The following SV2C variants were observed in gnomAD, a reference collection of about 807,000 sequenced individuals.
SV2C encodes solute carrier family 22 member B3.
SV2C carries 49 observed loss-of-function variants against 79.7 expected under a neutral mutation model. The observed-to-expected ratio is 0.61, with a 90% confidence interval of 0.49 to 0.78. The LOEUF (loss-of-function observed/expected upper bound fraction) is 0.78. Ranked by LOEUF, SV2C falls within the 30% of genes least tolerant of loss-of-function variation. The pLI is 0.00. For synonymous variants in SV2C, 334 were observed against 333.2 expected, an observed-to-expected ratio of 1.00 and a Z score of -0.03; for missense variants, 833 against 912.9, an observed-to-expected ratio of 0.91 and a Z score of 1.13.
chr5:76,104,847 C>G (rs554683751), intron 1 of SV2C, among the ~76,000 whole-genome samples: 5 of 152,114 alleles, frequency 3.3e-5, no homozygotes, highest in African/African-American at 1.2e-4. Flanking sequence ...TGTCTACATG[C>G]GGTTGTTGTG....
intron 4 of SV2C, among the ~76,000 whole-genome samples, chr5:76,234,339 C>T (rs7723272): frequency 0.12 from 17,899 of 152,156 alleles, 3,066 homozygotes; most frequent in African/African-American, 0.38. Flanking sequence ...AAAAAATTAT[C>T]ACTCAAATTC....
the SV2C span, among the ~76,000 whole-genome samples, chr5:76,005,451 G>A: frequency 6.6e-6 from 1 of 152,084 alleles, no homozygotes. Context: ...TACCCTTCAT[G>A]GTTTTTTAGT....
chr5:75,871,834 T>TACACAC, the SV2C span, among the ~76,000 whole-genome samples: 1,094 of 118,810 alleles, frequency 9.2e-3, 15 homozygotes, highest in African/African-American at 0.034. Flanking sequence ...TATATATATA[T>TACACAC]ACACACACAC....
At chr5:76,276,004 C>A (rs1030714162) in intron 4 of SV2C, among the ~76,000 whole-genome samples, 2 of 152,198 alleles carry the variant, frequency 1.3e-5, no homozygotes, top group Admixed American at 1.3e-4. Flanking sequence ...TTACTAACTG[C>A]AGGTAAGTAT....
At chr5:76,311,825 T>G (rs1271934077) in intron 12 of SV2C, among the ~76,000 whole-genome samples, 1 of 152,210 alleles carries the variant, frequency 6.6e-6, no homozygotes, top group Non-Finnish European at 1.5e-5. Flanking sequence ...CCCCAGTCCC[T>G]GCCACCAGCA....
rs147431456 is a variant in SV2C, at chr5:76,219,976, T to A, written c.913+10089T>A. On this transcript the variant is annotated intron_variant, in intron 4 of 12. Transcript: ENST00000502798. ...GGCACCTGATCTTAAAATGGGGAAATGGGCTTTAAAATATGGCGATTTCCT... is the reference window on the plus strand; with the variant it reads ...GGCACCTGATCTTAAAATGGGGAAAAGGGCTTTAAAATATGGCGATTTCCT... Among the ~76,000 whole-genome samples, 274 of 152,234 alleles carry A rather than the reference T, an allele frequency of 1.8e-3. 3 individuals carry two copies. Among genetic ancestry groups the A allele is most frequent in the African/African-American group, 6.2e-3 (257 of 41,538 alleles).
chr5:75,931,236 T>C, the SV2C span, among the ~76,000 whole-genome samples: 63 of 152,350 alleles, frequency 4.1e-4, 1 homozygote, highest in African/African-American at 1.2e-3. Context: ...TTCTGCAGCT[T>C]TTCCTCCACA....
chr5:75,877,954 A>C, the SV2C span, among the ~76,000 whole-genome samples: 1 of 116,844 alleles, frequency 8.6e-6, no homozygotes, highest in Non-Finnish European at 1.8e-5. Context: ...AAAAAAAAAA[A>C]CAAGTTTCTC....
At chr5:76,347,258 G>C (rs1251241902) in intron 12 of SV2C, among the ~76,000 whole-genome samples, 1 of 152,148 alleles carries the variant, frequency 6.6e-6, no homozygotes. Flanking sequence ...CTATGGATGG[G>C]GGATAACTTT....
chr5:76,186,053 C>T (rs113182754), intron 2 of SV2C, among the ~76,000 whole-genome samples: 2,488 of 152,268 alleles, frequency 0.016, 57 homozygotes, highest in African/African-American at 0.052. Context: ...GGCAAAATGC[C>T]ACCATTCTCT....
At chr5:75,949,540 G>C in the SV2C span, among the ~76,000 whole-genome samples, 1 of 151,992 alleles carries the variant, frequency 6.6e-6, no homozygotes, top group Non-Finnish European at 1.5e-5. Flanking sequence ...TGTTGTGGGA[G>C]GGACGTGGTG....
At chr5:76,068,772 A>T in the SV2C span, among the ~76,000 whole-genome samples, 4 of 152,230 alleles carry the variant, frequency 2.6e-5, no homozygotes, top group African/African-American at 9.6e-5. Context: ...AACTATTTGC[A>T]TATATGTATC....
the SV2C span, among the ~76,000 whole-genome samples, chr5:75,877,702 A>C: frequency 1.3e-3 from 199 of 152,196 alleles, 1 homozygote; most frequent in African/African-American, 4.6e-3. Flanking sequence ...TAAAAGGAGA[A>C]TAAGACATGG....
intron 4 of SV2C, among the ~76,000 whole-genome samples, chr5:76,252,827 T>C (rs1284754776): frequency 6.6e-6 from 1 of 152,202 alleles, no homozygotes; most frequent in Non-Finnish European, 1.5e-5. Flanking sequence ...ATTATATGAG[T>C]AAGAATTAAT....
At chr5:75,898,250 T>C in the SV2C span, among the ~76,000 whole-genome samples, 1 of 152,154 alleles carries the variant, frequency 6.6e-6, no homozygotes, top group Non-Finnish European at 1.5e-5. Flanking sequence ...CCCATCAATA[T>C]CTATTTTATT....
At chr5:75,931,031 A>G in the SV2C span, among the ~76,000 whole-genome samples, 1 of 152,114 alleles carries the variant, frequency 6.6e-6, no homozygotes, top group Non-Finnish European at 1.5e-5. Context: ...CTACTAGGGA[A>G]ACTGAGGCAC....
At chr5:76,308,029 T>TATTG (rs1336756103) in intron 12 of SV2C, among the ~76,000 whole-genome samples, 1 of 152,254 alleles carries the variant, frequency 6.6e-6, no homozygotes, top group African/African-American at 2.4e-5. Context: ...TGTTGCCATC[T>TATTG]ATTGATTGTC....
At position 76,211,112 on chromosome 5, in the gene SV2C, C is replaced by T. The variant is rs554486113; in HGVS notation, c.913+1225C>T. Among the ~76,000 whole-genome samples, 56 of 152,252 alleles carry T rather than the reference C, an allele frequency of 3.7e-4. No individual in the cohort carries two copies. The South Asian group carries it at 9.1e-3, about 25-fold the overall frequency. On this transcript the variant is annotated intron_variant, in intron 4 of 12. Coordinates refer to ENST00000502798, the MANE Select transcript of SV2C (RefSeq NM_014979.4). Reference sequence around the variant, plus strand: ...AACACACAGAAGCACCTTTACTCAACTCTTGTGGGCTCAGTCCAAAGCTCA... The same window carrying T: ...AACACACAGAAGCACCTTTACTCAATTCTTGTGGGCTCAGTCCAAAGCTCA...
At chr5:75,884,215 G>T in the SV2C span, among the ~76,000 whole-genome samples, 1 of 152,092 alleles carries the variant, frequency 6.6e-6, no homozygotes, top group Admixed American at 6.6e-5. Context: ...CATGCAAATG[G>T]ACTATTTGAT....
Sources: gnomAD v4.1 joint callset for allele counts (sites outside exome capture counted in the v4.1 genomes callset) on GRCh38, gnomAD v4.1.1 for gene constraint, MANE v1.5 for transcripts, NCBI Gene and HGNC (gene_info 2026-07-23, HGNC 2026-07-21) for gene names.